Variants in LINGO2 observed in about 807,000 individuals in gnomAD.
The protein encoded by LINGO2 is leucine rich repeat and Ig domain containing 2.
In LINGO2, 14 loss-of-function variants were observed where a neutral mutation model predicts 30.6. The ratio of observed to expected loss-of-function variants is 0.46; its 90% CI spans 0.30 to 0.72. LINGO2 has a LOEUF of 0.72. Ranked by LOEUF, LINGO2 falls within the 30% of genes least tolerant of loss-of-function variation. LINGO2 has a pLI of 0.07. For synonymous variants in LINGO2, 317 were observed against 288.5 expected (o/e 1.10, Z -1.00); for missense variants, 729 against 751.7 (o/e 0.97, Z 0.35).
intron 1 of LINGO2, among the ~76,000 whole-genome samples, chr9:28,592,325 G>A: frequency 6.6e-6 from 1 of 152,028 alleles, no homozygotes; most frequent in South Asian, 2.1e-4. Flanking sequence ...GACAGAAAAG[G>A]CAATCTAACT....
chr9:28,990,840 C>A, the LINGO2 span, among the ~76,000 whole-genome samples: 2 of 152,100 alleles, frequency 1.3e-5, no homozygotes, highest in African/African-American at 4.8e-5. Flanking sequence ...GACATCCACA[C>A]CAAAAACCCA....
intron 4 of LINGO2, among the ~76,000 whole-genome samples, chr9:28,094,238 T>C (rs1826179821): frequency 6.6e-6 from 1 of 152,132 alleles, no homozygotes; most frequent in Admixed American, 6.6e-5. Flanking sequence ...AATTAAACTA[T>C]CTAGATAAGA....
At chr9:28,324,322 G>A (rs546080722) in intron 3 of LINGO2, among the ~76,000 whole-genome samples, 12 of 152,140 alleles carry the variant, frequency 7.9e-5, no homozygotes, top group African/African-American at 2.7e-4. Context: ...TTCGGTAATC[G>A]GTTTTTACTT....
intron 2 of LINGO2, among the ~76,000 whole-genome samples, chr9:28,475,168 G>A (rs144856773): frequency 4.6e-5 from 7 of 152,162 alleles, no homozygotes; most frequent in South Asian, 2.1e-4. Context: ...CAGAGTATGT[G>A]AAAACTAAAC....
At chr9:28,727,580 G>T in the LINGO2 span, among the ~76,000 whole-genome samples, 1 of 152,026 alleles carries the variant, frequency 6.6e-6, no homozygotes, top group African/African-American at 2.4e-5. Flanking sequence ...GAGCCACCAC[G>T]CCCGGCCAAA....
At chr9:28,003,334 TATAGATATATAGATAGATAG>T (rs978365781) in intron 5 of LINGO2, among the ~76,000 whole-genome samples, 17 of 135,150 alleles carry the variant, frequency 1.3e-4, no homozygotes, top group African/African-American at 4.6e-4. Context: ...CATATAGATA[TATAGATATATAGATAGATAG>T]ATAGATAGAT....
the LINGO2 span, among the ~76,000 whole-genome samples, chr9:28,978,230 A>G: frequency 1.3e-5 from 2 of 152,178 alleles, no homozygotes; most frequent in Non-Finnish European, 2.9e-5. Context: ...TATTAGAATG[A>G]GTTATTAAGT....
chr9:28,561,758 T>C (rs866926522), intron 1 of LINGO2, among the ~76,000 whole-genome samples: 9,699 of 125,122 alleles, frequency 0.078, 1,737 homozygotes, highest in African/African-American at 0.19. Context: ...TGTATATATA[T>C]ATATATATAT....
rs550964714 is a variant in LINGO2 at position 28,508,702 on chromosome 9, G to GA, written c.-364-32678dup. Reference sequence around the variant, plus strand: ...TATTTAATTCCTTTCCTTGGAGGGAGAAAAAAAATTATTTGTAAGACATTC... The same window carrying GA: ...TATTTAATTCCTTTCCTTGGAGGGAGAAAAAAAAATTATTTGTAAGACATTC... On this transcript the variant is annotated intron_variant, in intron 1 of 5. Coordinates refer to ENST00000379992, the Ensembl canonical transcript of LINGO2. 3.3e-5 allele frequency among the ~76,000 whole-genome samples: 5 copies of GA among 151,710 alleles called. No homozygotes were observed. The East Asian group carries it at 5.8e-4, about 18-fold the overall frequency.
At chr9:28,680,654 C>A in the LINGO2 span, among the ~76,000 whole-genome samples, 7 of 152,046 alleles carry the variant, frequency 4.6e-5, no homozygotes, top group East Asian at 1.4e-3. Context: ...CAGGTGTTAT[C>A]TTTTTATTTT....
chr9:28,928,792 T>A, the LINGO2 span, among the ~76,000 whole-genome samples: 1 of 152,154 alleles, frequency 6.6e-6, no homozygotes, highest in African/African-American at 2.4e-5. Context: ...CCTCACTAGA[T>A]GAGGAATCTA....
the LINGO2 span, among the ~76,000 whole-genome samples, chr9:29,045,376 A>AG: frequency 6.6e-6 from 1 of 152,160 alleles, no homozygotes; most frequent in Non-Finnish European, 1.5e-5. Context: ...AGCTGCAAAA[A>AG]GGGAATAAAG....
intron 2 of LINGO2, among the ~76,000 whole-genome samples, chr9:28,415,930 G>A (rs1433444086): frequency 6.6e-6 from 1 of 152,076 alleles, no homozygotes; most frequent in South Asian, 2.1e-4. Context: ...TATTCAGAAA[G>A]ATCAACAAGT....
At chr9:28,895,107 A>G in the LINGO2 span, among the ~76,000 whole-genome samples, 1 of 152,148 alleles carries the variant, frequency 6.6e-6, no homozygotes, top group Non-Finnish European at 1.5e-5. Flanking sequence ...ATACATGTGT[A>G]AAAACTATTT....
chr9:28,990,297 G>C, the LINGO2 span, among the ~76,000 whole-genome samples: 2 of 152,190 alleles, frequency 1.3e-5, no homozygotes, highest in African/African-American at 2.4e-5. Context: ...CAGCAAGGCT[G>C]GGGGAGGGGT....
At chr9:28,762,583 G>T in the LINGO2 span, among the ~76,000 whole-genome samples, 1 of 152,042 alleles carries the variant, frequency 6.6e-6, no homozygotes, top group Admixed American at 6.5e-5. Flanking sequence ...ACGGCAACTT[G>T]ATTGAGGACA....
At chr9:28,015,207 A>T (rs1822766598) in intron 4 of LINGO2, among the ~76,000 whole-genome samples, 1 of 152,172 alleles carries the variant, frequency 6.6e-6, no homozygotes, top group Non-Finnish European at 1.5e-5. Context: ...GAGCTGGGAT[A>T]ACAAGTTCCT....
the LINGO2 span, among the ~76,000 whole-genome samples, chr9:28,885,683 T>C: frequency 6.6e-6 from 1 of 152,098 alleles, no homozygotes; most frequent in Non-Finnish European, 1.5e-5. Context: ...ATGGAACTAA[T>C]TGCAATGAAT....
chr9:28,990,196 G>A, the LINGO2 span, among the ~76,000 whole-genome samples: 1 of 152,196 alleles, frequency 6.6e-6, no homozygotes, highest in Admixed American at 6.5e-5. Context: ...CACACCAGGA[G>A]ATTATATCCC....
Sources: gnomAD v4.1 joint callset for allele counts (sites outside exome capture counted in the v4.1 genomes callset) on GRCh38, gnomAD v4.1.1 for gene constraint, MANE v1.5 for transcripts, NCBI Gene and HGNC (gene_info 2026-07-23, HGNC 2026-07-21) for gene names.